Variants in SMAD9 observed in about 807,000 individuals in gnomAD.
The protein encoded by SMAD9 is MAD homolog 9.
SMAD9 carries 36 observed loss-of-function variants against 46.1 expected under a neutral mutation model. That is an observed-to-expected ratio of 0.78 (90% confidence interval 0.60 to 1.03). The LOEUF (loss-of-function observed/expected upper bound fraction) is 1.03. SMAD9 is among the 50% of genes least tolerant of loss of function. The probability of loss-of-function intolerance (pLI) is 0.00; values close to 1 mark genes in which losing one functional copy is unlikely to be tolerated. For synonymous variants in SMAD9, 245 were observed against 237.1 expected (o/e 1.03, Z -0.31); for missense variants, 572 against 599.8 (o/e 0.95, Z 0.48).
intron 3 of SMAD9, among the ~76,000 whole-genome samples, chr13:36,868,348 G>C (rs1044782697): frequency 6.6e-6 from 1 of 152,230 alleles, no homozygotes; most frequent in Non-Finnish European, 1.5e-5. Context: ...GTATTTCCTT[G>C]TGAGAAAATG....
At chr13:36,896,808 A>G (rs9531991) in intron 1 of SMAD9, among the ~76,000 whole-genome samples, 25,845 of 152,146 alleles carry the variant, frequency 0.17, 2,720 homozygotes, top group Non-Finnish European at 0.24. Flanking sequence ...ATTTATAAAT[A>G]TATCTTATAT....
intron 1 of SMAD9, among the ~76,000 whole-genome samples, chr13:36,888,369 T>C (rs1023744339): frequency 6.6e-5 from 10 of 152,190 alleles, no homozygotes; most frequent in African/African-American, 2.2e-4. Flanking sequence ...TTGCTTCCCC[T>C]TCACCTTCTG....
At chr13:36,866,131 CAT>C (rs958890560) in intron 4 of SMAD9, among the ~76,000 whole-genome samples, 1 of 152,172 alleles carries the variant, frequency 6.6e-6, no homozygotes, top group Non-Finnish European at 1.5e-5. Context: ...CTTTCAGAAA[CAT>C]GTGAAAGATG....
chr13:36,864,109 G>A (rs926747202), intron 5 of SMAD9, among the ~76,000 whole-genome samples: 3 of 152,220 alleles, frequency 2.0e-5, no homozygotes, highest in African/African-American at 4.8e-5. Context: ...TGCCTTGAGA[G>A]TTCACTGAAG....
chr13:36,858,959 C>A (rs780047036), intron 5 of SMAD9, among the ~76,000 whole-genome samples: 47 of 152,282 alleles, frequency 3.1e-4, no homozygotes, highest in South Asian at 1.7e-3. Context: ...AATCCACCCA[C>A]CTCGACCTCC....
At chr13:36,864,606 T>C (rs896895258) in intron 5 of SMAD9, among the ~76,000 whole-genome samples, 8 of 152,204 alleles carry the variant, frequency 5.3e-5, no homozygotes, top group African/African-American at 1.9e-4. Context: ...AGAATATAAA[T>C]AAACATAAAG....
At chr13:36,860,742 C>T (rs1215171004) in intron 5 of SMAD9, among the ~76,000 whole-genome samples, 2 of 152,030 alleles carry the variant, frequency 1.3e-5, no homozygotes, top group South Asian at 2.1e-4. Flanking sequence ...CATGAGCCAC[C>T]ACGCCCGGCC....
At chr13:36,916,928 A>G (rs990018480) in intron 1 of SMAD9, among the ~76,000 whole-genome samples, 1 of 151,900 alleles carries the variant, frequency 6.6e-6, no homozygotes, top group African/African-American at 2.4e-5. Context: ...GAGGAAAGCC[A>G]GGGTATGCAT....
At chr13:36,864,032 T>C (rs1373401776) in intron 5 of SMAD9, among the ~76,000 whole-genome samples, 1 of 152,200 alleles carries the variant, frequency 6.6e-6, no homozygotes, top group Non-Finnish European at 1.5e-5. Context: ...CCAGCAGAAA[T>C]TGAACATGCA....
At chr13:36,885,143 C>T (rs575657788) in intron 1 of SMAD9, among the ~76,000 whole-genome samples, 1 of 152,132 alleles carries the variant, frequency 6.6e-6, no homozygotes, top group African/African-American at 2.4e-5. Context: ...CATTTAATCC[C>T]CTCCAAGAAA....
intron 1 of SMAD9, among the ~76,000 whole-genome samples, chr13:36,916,814 G>A (rs1022663920): frequency 5.3e-5 from 8 of 151,222 alleles, no homozygotes; most frequent in African/African-American, 1.7e-4. Flanking sequence ...TCCCGTGAAG[G>A]CAGCGCCTGA....
chr13:36,908,093 G>T (rs2058632818), intron 1 of SMAD9, among the ~76,000 whole-genome samples: 1 of 152,190 alleles, frequency 6.6e-6, no homozygotes, highest in Non-Finnish European at 1.5e-5. Context: ...CATTTTCTCT[G>T]ATGGTGGTGG....
chr13:36,844,898 G>A lies in SMAD9; in HGVS notation c.*3778C>T, dbSNP rs111717162. The A allele has an allele frequency of 2.3e-4, 34 of 146,284 alleles. No individual in the cohort carries two copies. The highest frequency in any genetic ancestry group is 7.7e-4 in the African/African-American group (29 of 37,568). 9.1% of individuals were successfully genotyped at this position (146,284 alleles called of 1,614,324 possible). Reference sequence around the variant, plus strand: ...ATAAGTGTGCATTTGATGGATAACCGAAGCCAAGTTATTATAATAGAAAGC... The same window carrying A: ...ATAAGTGTGCATTTGATGGATAACCAAAGCCAAGTTATTATAATAGAAAGC... On this transcript the variant is annotated 3_prime_UTR_variant, in exon 7 of 7. Transcript: ENST00000379826.
intron 1 of SMAD9, among the ~76,000 whole-genome samples, 156 bp from the exon 2 acceptor site, chr13:36,880,031 C>A (rs1407775046): frequency 1.3e-5 from 2 of 152,190 alleles, no homozygotes; most frequent in Non-Finnish European, 2.9e-5. Flanking sequence ...CACTGCACTC[C>A]AGCCTGAGCA....
chr13:36,879,753 GC>G lies in SMAD9; in HGVS notation c.-65del, dbSNP rs2058386644. 1.3e-5 allele frequency: 20 copies of G among 1,590,018 alleles called. No individual in the cohort carries two copies. Among genetic ancestry groups the G allele is most frequent in the Non-Finnish European group, 1.7e-5 (20 of 1,164,402 alleles). On this transcript the variant is annotated 5_prime_UTR_variant, in exon 2 of 7. It removes the in-frame stop codon of an upstream open reading frame in the 5' UTR. Transcript: ENST00000379826. ...ACAGCCCTTCACGGCAAAGTGGGCGGCGAGTAGCTCTCCAGGGGTGGCATAG... is the reference window on the plus strand; with the variant it reads ...ACAGCCCTTCACGGCAAAGTGGGCGGGAGTAGCTCTCCAGGGGTGGCATAG...
rs1367835135 is a variant in SMAD9, at chr13:36,867,390, G to C, written c.671-7C>G. On this transcript the variant is annotated splice_region_variant and splice_polypyrimidine_tract_variant and intron_variant, in intron 3 of 6. Coordinates refer to ENST00000379826, the MANE Select transcript of SMAD9 (RefSeq NM_001127217.3). ...GGCAGGGGTGGTGTGTCAACTAAAA[G>C]AAAGCAGTAGAACAAAGGAATTGTC... The C allele has an allele frequency of 6.6e-7, 1 of 1,516,290 alleles. No individual in the cohort carries two copies. The allele number at this position is 1,516,290 out of a possible 1,614,324, so 93.9% of individuals were successfully genotyped here. A position where few individuals can be genotyped will look rare whatever the true frequency, so the allele number is the denominator to read the frequency against.
rs74552095 is a variant in SMAD9, at chr13:36,883,299, C to T, written c.-186-3424G>A. Among the ~76,000 whole-genome samples the T allele has an allele frequency of 3.2e-3, 482 of 152,008 alleles. 6 individuals are homozygous for T. The highest frequency in any genetic ancestry group is 0.011 in the African/African-American group (438 of 41,450). Reference sequence around the variant, plus strand: ...AAACTGGTTGCAAAAACAGGAGGGGCGATTAATATTTCTCTCAGTTACTAC... The same window carrying T: ...AAACTGGTTGCAAAAACAGGAGGGGTGATTAATATTTCTCTCAGTTACTAC... On this transcript the variant is annotated intron_variant, in intron 1 of 6. Coordinates refer to ENST00000379826, the MANE Select transcript of SMAD9 (RefSeq NM_001127217.3).
chr13:36,877,730 C>T (rs767075898), intron 2 of SMAD9, among the ~76,000 whole-genome samples: 1 of 152,086 alleles, frequency 6.6e-6, no homozygotes, highest in Non-Finnish European at 1.5e-5. Context: ...GCATGTGGAA[C>T]CTTCTAATAC....
intron 1 of SMAD9, among the ~76,000 whole-genome samples, chr13:36,919,315 G>A (rs1174381968): frequency 2.6e-5 from 4 of 152,206 alleles, no homozygotes; most frequent in Admixed American, 6.5e-5. Flanking sequence ...CTGGCGTCAG[G>A]CAGTCTCCTG....
Sources: gnomAD v4.1 joint callset for allele counts (sites outside exome capture counted in the v4.1 genomes callset) on GRCh38, gnomAD v4.1.1 for gene constraint, MANE v1.5 for transcripts, NCBI Gene and HGNC (gene_info 2026-07-23, HGNC 2026-07-21) for gene names.